Variants in PLXNA4 observed in about 807,000 individuals in gnomAD.
The protein encoded by PLXNA4 is plexin-A4.
PLXNA4 carries 44 observed loss-of-function variants against 191.8 expected under a neutral mutation model. The observed-to-expected ratio is 0.23, with a 90% confidence interval of 0.18 to 0.29. The LOEUF (loss-of-function observed/expected upper bound fraction) is 0.29, where lower values mean the gene tolerates loss of function less well. Among genes scored for constraint, PLXNA4 ranks in the 10% least tolerant of loss-of-function variants. The pLI is 1.00. For synonymous variants in PLXNA4, 1,082 were observed against 1,009.5 expected (o/e 1.07, Z -1.36); for missense variants, 1,800 against 2,488.8 (o/e 0.72, Z 5.89).
intron 3 of PLXNA4, among the ~76,000 whole-genome samples, chr7:132,376,071 C>T (rs1398664880): frequency 6.6e-6 from 1 of 152,156 alleles, no homozygotes; most frequent in Admixed American, 6.5e-5. Context: ...TTTGGAACAG[C>T]CCCACCTGTA....
chr7:132,319,403 G>T (rs1356330658), intron 3 of PLXNA4, among the ~76,000 whole-genome samples: 1 of 151,360 alleles, frequency 6.6e-6, no homozygotes, highest in Non-Finnish European at 1.5e-5. Flanking sequence ...TGTGATGAGG[G>T]CTTCATCCTA....
At chr7:132,530,493 A>G (rs1305058187) in intron 1 of PLXNA4, among the ~76,000 whole-genome samples, 1 of 152,224 alleles carries the variant, frequency 6.6e-6, no homozygotes, top group Non-Finnish European at 1.5e-5. Flanking sequence ...GTCAATCTGC[A>G]TTTCATTAGC....
At chr7:132,605,453 G>C (rs1802905020) in intron 2 of PLXNA4, among the ~76,000 whole-genome samples, 1 of 152,256 alleles carries the variant, frequency 6.6e-6, no homozygotes, top group South Asian at 2.1e-4. Context: ...CTGGAGAACA[G>C]GTGGGTGACA....
At chr7:132,647,028 C>CATACACGCAGTCACACACAT (rs1803884252) in intron 1 of PLXNA4, among the ~76,000 whole-genome samples, 3 of 152,034 alleles carry the variant, frequency 2.0e-5, no homozygotes, top group African/African-American at 7.2e-5. Flanking sequence ...AACATACACA[C>CATACACGCAGTCACACACAT]ATACACGCAG....
chr7:132,345,462 T>C (rs1182836410), intron 3 of PLXNA4, among the ~76,000 whole-genome samples: 1 of 152,208 alleles, frequency 6.6e-6, no homozygotes, highest in African/African-American at 2.4e-5. Flanking sequence ...GAAAAACATG[T>C]TACATCTCAT....
intron 1 of PLXNA4, among the ~76,000 whole-genome samples, chr7:132,517,413 C>T (rs1036250162): frequency 6.6e-6 from 1 of 152,126 alleles, no homozygotes; most frequent in African/African-American, 2.4e-5. Flanking sequence ...GGTGGAGCCT[C>T]AAGATGAAAG....
intron 4 of PLXNA4, among the ~76,000 whole-genome samples, chr7:132,274,630 T>C (rs73157249): frequency 0.039 from 5,896 of 152,290 alleles, 182 homozygotes; most frequent in Middle Eastern, 0.065. Context: ...TTTGACACTT[T>C]TGATGAGTAC....
At chr7:132,620,631 G>A (rs1345613963) in intron 2 of PLXNA4, among the ~76,000 whole-genome samples, 1 of 152,132 alleles carries the variant, frequency 6.6e-6, no homozygotes, top group Non-Finnish European at 1.5e-5. Context: ...AAATGTATAT[G>A]TACTTAGAGA....
rs542145646 is a variant in PLXNA4 at position 132,543,011 on chromosome 7, C to T, written c.-87+33411G>A. Among the ~76,000 whole-genome samples the T allele has an allele frequency of 7.9e-5, 12 of 152,198 alleles. 1 individual carries two copies. In the Middle Eastern group the frequency reaches 0.01, roughly 129 times the overall value. ...TGAGTCTATTATTTCTGCTGGTTCT[C>T]GGTCATGTTGACTTATTTCCTTGTG... On this transcript the variant is annotated intron_variant, in intron 1 of 31. Coordinates refer to ENST00000321063, the MANE Select transcript of PLXNA4 (RefSeq NM_020911.2).
chr7:132,244,234 G>A (rs1477202635), intron 4 of PLXNA4, among the ~76,000 whole-genome samples: 2 of 152,080 alleles, frequency 1.3e-5, no homozygotes, highest in East Asian at 3.9e-4. Flanking sequence ...GGGCGCGTTA[G>A]GTCTGAATTC....
At position 132,544,723 on chromosome 7, in the gene PLXNA4, G is replaced by GC. The variant is rs1229796646; in HGVS notation, c.-87+31698dup. Reference sequence around the variant, plus strand: ...CCTTTAAATAATTATGGCTTTCTTGGCCTAGATGTCTGTCATGCACTACAG... The same window carrying GC: ...CCTTTAAATAATTATGGCTTTCTTGGCCCTAGATGTCTGTCATGCACTACAG... On this transcript the variant is annotated intron_variant, in intron 1 of 31. Transcript: ENST00000321063. 4.6e-5 allele frequency among the ~76,000 whole-genome samples: 7 copies of GC among 152,172 alleles called. 1 individual carries two copies. Among genetic ancestry groups the GC allele is most frequent in the South Asian group, 4.1e-4 (2 of 4,824 alleles).
rs566823976 is a variant in PLXNA4 at position 132,387,445 on chromosome 7, A to G, written c.1372-89223T>C. Among the ~76,000 whole-genome samples the G allele has an allele frequency of 2.4e-4, 36 of 152,272 alleles. 1 individual carries two copies. The highest frequency in any genetic ancestry group is 8.2e-4 in the African/African-American group (34 of 41,546). ...TAACTAAGTTGGAGAGCAGAGGGGG[A>G]TGTAAAAATTGGCAGGGTCTGCAGG... is the stretch of plus-strand genomic sequence containing the variant. On this transcript the variant is annotated intron_variant, in intron 3 of 31. Transcript: ENST00000321063.
rs575460361 is a variant in PLXNA4, at chr7:132,385,947, C to T, written c.1372-87725G>A. On this transcript the variant is annotated intron_variant, in intron 3 of 31. Transcript: ENST00000321063. ...TTTGAACGCTGAAGTGGCTAATTTC[C>T]GAAGGATGTAAGAAGATCATTCAAC... 3.9e-5 allele frequency among the ~76,000 whole-genome samples: 6 copies of T among 152,320 alleles called. 1 individual carries two copies. Among genetic ancestry groups the T allele is most frequent in the Admixed American group, 2.6e-4 (4 of 15,296 alleles).
At chr7:132,291,269 C>T (rs971923558) in intron 4 of PLXNA4, among the ~76,000 whole-genome samples, 7 of 152,198 alleles carry the variant, frequency 4.6e-5, no homozygotes, top group Non-Finnish European at 4.4e-5. Context: ...CAAAAGTTCC[C>T]TCCTTGGAGA....
intron 1 of PLXNA4, among the ~76,000 whole-genome samples, chr7:132,541,243 C>G (rs143530466): frequency 6.6e-6 from 1 of 152,208 alleles, no homozygotes; most frequent in Non-Finnish European, 1.5e-5. Flanking sequence ...GAGACTCCTA[C>G]CTAGTGCTTT....
At position 132,148,393 on chromosome 7, in the gene PLXNA4, G is replaced by A; in HGVS notation, c.4764+150C>T. 4 of 1,178,652 alleles carry A rather than the reference G, an allele frequency of 3.4e-6. No homozygotes were observed. The South Asian group carries it at 4.8e-5, about 14-fold the overall frequency. The allele number at this position is 1,178,652 out of a possible 1,614,324, so 73.0% of individuals were successfully genotyped here. On this transcript the variant is annotated intron_variant, in intron 26 of 31. Coordinates refer to ENST00000321063, the MANE Select transcript of PLXNA4 (RefSeq NM_020911.2). ...GAGGTCAGGGTTTCCTGGTTTCTTG[G>A]CTGGGAGACACCAATTTCCTCTGGA... is the stretch of plus-strand genomic sequence containing the variant.
chr7:132,240,062 T>C (rs1405013693), intron 5 of PLXNA4, among the ~76,000 whole-genome samples: 1 of 152,216 alleles, frequency 6.6e-6, no homozygotes, highest in Non-Finnish European at 1.5e-5. Context: ...CCCCACCTTC[T>C]TATACTTGAA....
chr7:132,317,435 G>C (rs1801989377), intron 3 of PLXNA4, among the ~76,000 whole-genome samples: 1 of 151,870 alleles, frequency 6.6e-6, no homozygotes. Flanking sequence ...GGGTTGTGTT[G>C]GATTGTATTG....
intron 3 of PLXNA4, among the ~76,000 whole-genome samples, chr7:132,299,911 G>A (rs1229802340): frequency 5.9e-5 from 9 of 152,102 alleles, no homozygotes; most frequent in African/African-American, 1.2e-4. Flanking sequence ...ATGAACTTGC[G>A]GCTCAAAGAT....
Sources: gnomAD v4.1 joint callset for allele counts (sites outside exome capture counted in the v4.1 genomes callset) on GRCh38, gnomAD v4.1.1 for gene constraint, MANE v1.5 for transcripts, NCBI Gene and HGNC (gene_info 2026-07-23, HGNC 2026-07-21) for gene names.